FBN2: variants seen among roughly 807,000 people sequenced by gnomAD.
FBN2 encodes fibrillin 2.
A neutral mutation model predicts 355.6 loss-of-function variants in FBN2; 105 were observed. The observed-to-expected ratio is 0.30, with a 90% CI of 0.25 to 0.35. The LOEUF (loss-of-function observed/expected upper bound fraction) is 0.35. Among genes scored for constraint, FBN2 ranks in the 10% least tolerant of loss-of-function variants. The pLI, the probability that FBN2 is intolerant of heterozygous loss-of-function variation, is 1.00. For missense variants in FBN2, 3,280 were observed against 3,758.7 expected (o/e 0.87, Z 3.33); for synonymous variants, 1,350 against 1,301.2 (o/e 1.04, Z -0.81).
intron 23 of FBN2, among the ~76,000 whole-genome samples, chr5:128,347,391 C>T (rs1751210721): frequency 6.6e-6 from 1 of 152,182 alleles, no homozygotes; most frequent in Non-Finnish European, 1.5e-5. Flanking sequence ...AACGTCAGTA[C>T]ACTGGCCACA....
chr5:128,352,161 A>C (rs1200527716), intron 20 of FBN2, among the ~76,000 whole-genome samples: 2 of 152,168 alleles, frequency 1.3e-5, no homozygotes, highest in African/African-American at 4.8e-5. Context: ...ACCCTCACTA[A>C]TGCATTCCCA....
chr5:128,298,559 C>A (rs1238468731), intron 48 of FBN2, among the ~76,000 whole-genome samples: 1 of 152,076 alleles, frequency 6.6e-6, no homozygotes, highest in Admixed American at 6.5e-5. Context: ...TTTCTCTAAA[C>A]TTCCCTTCTC....
At chr5:128,407,607 A>C (rs1752960561) in intron 8 of FBN2, among the ~76,000 whole-genome samples, 1 of 152,178 alleles carries the variant, frequency 6.6e-6, no homozygotes, top group Admixed American at 6.5e-5. Context: ...TTCTACTGTT[A>C]TTTATGATGA....
intron 6 of FBN2, among the ~76,000 whole-genome samples, chr5:128,450,996 C>A (rs943121980): frequency 6.6e-6 from 1 of 152,060 alleles, no homozygotes; most frequent in African/African-American, 2.4e-5. Context: ...CACACATATT[C>A]AGGATGATGG....
intron 58 of FBN2, among the ~76,000 whole-genome samples, chr5:128,277,518 A>AT (rs1452386319): frequency 6.6e-6 from 1 of 152,202 alleles, no homozygotes; most frequent in East Asian, 1.9e-4. Flanking sequence ...TGACAAACAA[A>AT]TGTGCACTTT....
intron 39 of FBN2, among the ~76,000 whole-genome samples, chr5:128,310,395 TA>T (rs1750016541): frequency 1.1e-3 from 6 of 5,576 alleles, no homozygotes; most frequent in African/African-American, 2.2e-3. Flanking sequence ...TATATATATA[TA>T]TATATATTTT....
intron 11 of FBN2, among the ~76,000 whole-genome samples, chr5:128,390,659 T>C (rs555069458): frequency 6.6e-6 from 1 of 152,328 alleles, no homozygotes; most frequent in Non-Finnish European, 1.5e-5. Flanking sequence ...AAGGAAAAGT[T>C]TCTGCGTAGT....
chr5:128,350,740 GAT>G (rs1181366804), intron 21 of FBN2, 126 bp downstream of exon 21: 5 of 1,072,160 alleles, frequency 4.7e-6, no homozygotes. Flanking sequence ...AGCCAGGAAA[GAT>G]AACATTTTAG....
intron 17 of FBN2, among the ~76,000 whole-genome samples, 174 bp downstream of exon 17, chr5:128,366,203 T>C (rs1180882742): frequency 6.6e-6 from 1 of 152,046 alleles, no homozygotes; most frequent in Non-Finnish European, 1.5e-5. Flanking sequence ...AAAATGTGTA[T>C]CTACATATCA....
At chr5:128,448,276 CATG>C (rs982268812) in intron 6 of FBN2, among the ~76,000 whole-genome samples, 37 of 152,182 alleles carry the variant, frequency 2.4e-4, no homozygotes, top group African/African-American at 8.2e-4. Context: ...CCTGCCAATA[CATG>C]ATATTACTAT....
At chr5:128,418,374 C>T (rs553366410) in intron 7 of FBN2, among the ~76,000 whole-genome samples, 1 of 151,878 alleles carries the variant, frequency 6.6e-6, no homozygotes, top group African/African-American at 2.4e-5. Flanking sequence ...TATTTCTTTC[C>T]TTCCACTAAT....
intron 7 of FBN2, among the ~76,000 whole-genome samples, chr5:128,409,438 A>C (rs1753010718): frequency 6.6e-6 from 1 of 152,184 alleles, no homozygotes; most frequent in African/African-American, 2.4e-5. Flanking sequence ...CAATGCTGGA[A>C]ATAGTCTATT....
At position 128,277,996 on chromosome 5, in the gene FBN2, T is replaced by G; in HGVS notation, c.7355A>C (p.Glu2452Ala). Residue 2452 changes from glutamate to alanine, a missense_variant, in exon 58 of 65, where the codon GAA becomes GCA. Transcript: ENST00000262464. ...GCAGAGGTTTGGCATTACCTTACAT[T>G]CATCAATATCTGTGGACCAAAACAA... ...GYTTDGRDID[E>A]CKVMPNLCTN... 1 of 1,614,038 alleles carries G rather than the reference T, an allele frequency of 6.2e-7. No individual in the cohort carries two copies. The highest frequency in any genetic ancestry group is 8.5e-7 in the Non-Finnish European group (1 of 1,179,968).
intron 6 of FBN2, among the ~76,000 whole-genome samples, chr5:128,462,328 A>G (rs139701753): frequency 6.8e-4 from 104 of 152,240 alleles, no homozygotes; most frequent in African/African-American, 2.4e-3. Context: ...TCTCTTCCAA[A>G]CTAATTTGGC....
rs1178602917 is a variant in FBN2 at position 128,261,755 on chromosome 5, T to C, written c.8345A>G (p.His2782Arg). The change falls in exon 64 of 65, where the codon CAT (histidine) becomes CGT (arginine). Residue 2782 changes from histidine (H) to arginine (R), a missense_variant. Physicochemically the swap from His to Arg is conservative, Grantham distance 29. Coordinates refer to ENST00000262464, the MANE Select transcript of FBN2 (RefSeq NM_001999.4). ...ACTCACAGCAGTGGGATCAGGTTCA[T>C]GAATACTTCTCTTCTGCCTGCTGTC... is the stretch of plus-strand genomic sequence containing the variant. ...KKDSRQKRSI[H>R]EPDPTAVEQI... 2.5e-6 allele frequency: 4 copies of C among 1,614,110 alleles called. No homozygotes were observed. In the African/African-American group the frequency reaches 5.3e-5, roughly 22 times the overall value.
At position 128,524,436 on chromosome 5, in the gene FBN2, T is replaced by C. The variant is rs138942206; in HGVS notation, c.532+3436A>G. 3.0e-3 allele frequency among the ~76,000 whole-genome samples: 453 copies of C among 152,290 alleles called. 3 individuals carry two copies. Among genetic ancestry groups the C allele is most frequent in the African/African-American group, 0.01 (436 of 41,572 alleles). On this transcript the variant is annotated intron_variant, in intron 4 of 64. Coordinates refer to ENST00000262464, the MANE Select transcript of FBN2 (RefSeq NM_001999.4). ...TAACTGTCATTTCTACCAGAATATG[T>C]GGCCAGGGTATTATCTTACCTATTC...
intron 5 of FBN2, among the ~76,000 whole-genome samples, chr5:128,486,541 C>G (rs1561480698): frequency 6.6e-6 from 1 of 152,134 alleles, no homozygotes; most frequent in Non-Finnish European, 1.5e-5. Flanking sequence ...AAAACACACT[C>G]ACTTCTTTCC....
intron 6 of FBN2, among the ~76,000 whole-genome samples, chr5:128,455,797 G>A (rs1475298825): frequency 2.6e-5 from 4 of 151,450 alleles, no homozygotes; most frequent in Non-Finnish European, 1.5e-5. Flanking sequence ...TGCAACCCAC[G>A]AATCGGAGGA....
At position 128,330,519 on chromosome 5, in the gene FBN2, T is replaced by C. The variant is rs1025264426; in HGVS notation, c.4345+54A>G. On this transcript the variant is annotated intron_variant, in intron 33 of 64. Coordinates refer to ENST00000262464, the MANE Select transcript of FBN2 (RefSeq NM_001999.4). ...ATAATTTTCTTCAAATAAGGAAGCA[T>C]ATAGAGTGTTCTATGACCATCCCGT... 2.3e-5 allele frequency: 36 copies of C among 1,598,544 alleles called. No individual in the cohort carries two copies. The African/African-American group carries it at 3.9e-4, about 17-fold the overall frequency.
Sources: gnomAD v4.1 joint callset for allele counts (sites outside exome capture counted in the v4.1 genomes callset) on GRCh38, gnomAD v4.1.1 for gene constraint, MANE v1.5 for transcripts, NCBI Gene and HGNC (gene_info 2026-07-23, HGNC 2026-07-21) for gene names.